TFR2: variants seen among roughly 807,000 people sequenced by gnomAD.
The protein encoded by TFR2 is transferrin receptor protein 2.
Under a neutral mutation model 91.9 loss-of-function variants are expected in TFR2, and 64 were observed. The observed-to-expected ratio is 0.70, with a 90% CI of 0.57 to 0.86. The LOEUF is 0.86. TFR2 is among the 40% of genes least tolerant of loss of function. TFR2 has a pLI of 0.00. For synonymous variants in TFR2, 454 were observed against 459.6 expected, an observed-to-expected ratio of 0.99 and a Z score of 0.15; for missense variants, 950 against 1,080.5, an observed-to-expected ratio of 0.88 and a Z score of 1.69.
chr7:100,630,290 CT>C (rs1803398834), intron 9 of TFR2, among the ~76,000 whole-genome samples: 1 of 142,252 alleles, frequency 7.0e-6, no homozygotes, highest in African/African-American at 2.6e-5. Flanking sequence ...CTTTCTTTCT[CT>C]TTTTTTTCTT....
chr7:100,632,293 C>T, intron 6 of TFR2, 95 bp from the exon 7 acceptor site: 1 of 1,132,376 alleles, frequency 8.8e-7, no homozygotes, highest in African/African-American at 1.5e-5. Flanking sequence ...TTGCTTGCAA[C>T]TGTCCATCCC....
At chr7:100,626,739 G>A in intron 17 of TFR2, 24 bp downstream of exon 17, 1 of 1,538,074 alleles carries the variant, frequency 6.5e-7, no homozygotes, top group Non-Finnish European at 8.7e-7. Context: ...CACTGGGGGC[G>A]GGGCGAGGAG....
chr7:100,639,560 C>T (rs1050912362), intron 3 of TFR2, among the ~76,000 whole-genome samples: 5 of 150,098 alleles, frequency 3.3e-5, no homozygotes, highest in Non-Finnish European at 7.4e-5. Context: ...TTCATGTCCT[C>T]TCAAATGCAA....
At chr7:100,625,100 C>T in intron 17 of TFR2, among the ~76,000 whole-genome samples, 1 of 146,122 alleles carries the variant, frequency 6.8e-6, no homozygotes, top group South Asian at 2.2e-4. Flanking sequence ...GCTCTTGTTG[C>T]CCAGGCTGGA....
At chr7:100,632,050 G>C in intron 7 of TFR2, 32 bp downstream of exon 7, 1 of 1,613,974 alleles carries the variant, frequency 6.2e-7, no homozygotes, top group Non-Finnish European at 8.5e-7. Flanking sequence ...CTCGGGACCT[G>C]GGAACAGCAC....
chr7:100,626,391 T>TG, intron 17 of TFR2: 1 of 921,538 alleles, frequency 1.1e-6, no homozygotes, highest in South Asian at 5.0e-5. Flanking sequence ...GCCTGTAACC[T>TG]CGTATTGTGG....
At position 100,637,189 on chromosome 7, in the gene TFR2, C is replaced by T. The variant is rs182058243; in HGVS notation, c.473+3497G>A. On this transcript the variant is annotated intron_variant, in intron 3 of 17. Coordinates refer to ENST00000223051, the MANE Select transcript of TFR2 (RefSeq NM_003227.4). ...CCGAGGTGGGTGGATCTCCTGAGGT[C>T]AGGAGTTCGAGACCAGACTGACCAA... Among the ~76,000 whole-genome samples the T allele has an allele frequency of 2.7e-3, 404 of 152,214 alleles. 3 individuals are homozygous for T. The highest frequency in any genetic ancestry group is 3.9e-3 in the Non-Finnish European group (263 of 68,016).
At chr7:100,631,080 A>G in intron 8 of TFR2, 28 bp from the exon 9 acceptor site, 1 of 1,527,104 alleles carries the variant, frequency 6.5e-7, no homozygotes, top group Non-Finnish European at 8.7e-7. Flanking sequence ...AGAAAGGGGG[A>G]AGTTGTAGAG....
rs1325635445 is a variant in TFR2 at position 100,620,688 on chromosome 7, T to A, written c.*169A>T. On this transcript the variant is annotated 3_prime_UTR_variant, in exon 18 of 18. Transcript: ENST00000223051. ...AGCTACACTGCAGGGCTGGGGTGTG[T>A]GGATATCTGTGCTGGGGTCTGGGCT... 1.2e-6 allele frequency: 1 copy of A among 855,616 alleles called. No individual in the cohort carries two copies. Among genetic ancestry groups the A allele is most frequent in the African/African-American group, 1.7e-5 (1 of 58,856 alleles). The allele number at this position is 855,616 out of a possible 1,614,324, so 53.0% of individuals were successfully genotyped here. A position where few individuals can be genotyped will look rare whatever the true frequency, so the allele number is the denominator to read the frequency against.
chr7:100,626,035 C>T (rs1480734542), intron 17 of TFR2, among the ~76,000 whole-genome samples: 1 of 152,126 alleles, frequency 6.6e-6, no homozygotes, highest in South Asian at 2.1e-4. Flanking sequence ...CACTGCAGTT[C>T]CCAGCTCACC....
At chr7:100,621,541 A>G (rs1358708436) in intron 17 of TFR2, among the ~76,000 whole-genome samples, 1 of 152,182 alleles carries the variant, frequency 6.6e-6, no homozygotes, top group Non-Finnish European at 1.5e-5. Flanking sequence ...GGTGTGAGCC[A>G]CCACGCTAGG....
At chr7:100,639,018 G>A (rs928269706) in intron 3 of TFR2, among the ~76,000 whole-genome samples, 6 of 152,082 alleles carry the variant, frequency 3.9e-5, no homozygotes, top group South Asian at 2.1e-4. Context: ...CAAGGTTAGC[G>A]TTGAGCTCAG....
rs899733813 is a variant in TFR2, at chr7:100,627,978, G to A, written c.1538-4C>T. 1.2e-6 allele frequency: 2 copies of A among 1,613,980 alleles called. No homozygotes were observed. The highest frequency in any genetic ancestry group is 8.5e-7 in the Non-Finnish European group (1 of 1,179,888). On this transcript the variant is annotated splice_region_variant and splice_polypyrimidine_tract_variant and intron_variant, in intron 12 of 17. Coordinates refer to ENST00000223051, the MANE Select transcript of TFR2 (RefSeq NM_003227.4). ...TTGGCATGAAACTTGTCATCCCCTG[G>A]AAAAAGGGGAGGGGAGGGATGCCAG...
At chr7:100,632,330 G>C (rs1187248680) in intron 6 of TFR2, 132 bp from the exon 7 acceptor site, 2 of 853,808 alleles carry the variant, frequency 2.3e-6, no homozygotes, top group African/African-American at 3.3e-5. Context: ...GGCACTACCT[G>C]GCCTGTGTCT....
intron 17 of TFR2, 132 bp from the exon 18 acceptor site, chr7:100,621,258 TGTTC>T: frequency 8.0e-7 from 1 of 1,248,996 alleles, no homozygotes; most frequent in Non-Finnish European, 1.1e-6. Context: ...GTTTTTTGTT[TGTTC>T]GTTTGTTTTG....
intron 5 of TFR2, 52 bp downstream of exon 5, chr7:100,633,177 A>G: frequency 1.2e-6 from 2 of 1,612,868 alleles, no homozygotes; most frequent in Non-Finnish European, 1.7e-6. Flanking sequence ...TTCGAGACCC[A>G]GGAAAGGGCT....
At chr7:100,632,738 C>CTTTTT (rs35046097) in intron 6 of TFR2, 8 of 184,810 alleles carry the variant, frequency 4.3e-5, no homozygotes, top group East Asian at 1.5e-4. Flanking sequence ...AAAAAAGAAC[C>CTTTTT]TTTTTTTTTT....
In TFR2 at chr7:100,627,375, C is replaced by T. The variant is rs778041715; in HGVS notation, c.1884G>A (p.Gln628=). Reference sequence around the variant, plus strand: ...GATCGTGGCTGAGCCGGATGAGGAGCTGCCCTGCGAGCTGGGCCACGGCCT... The same window carrying T: ...GATCGTGGCTGAGCCGGATGAGGAGTTGCCCTGCGAGCTGGGCCACGGCCT... The part of the protein sequence containing the change: ...VAQAVAQLAG[Q]LLIRLSHDRL... The change falls in exon 16 of 18, where the codon CAG becomes CAA. Residue 628 remains glutamine, a synonymous_variant. Coordinates refer to ENST00000223051, the MANE Select transcript of TFR2 (RefSeq NM_003227.4). 1.2e-5 allele frequency: 18 copies of T among 1,555,292 alleles called. No individual in the cohort carries two copies. The Middle Eastern group carries it at 8.5e-4, about 73-fold the overall frequency.
intron 17 of TFR2, among the ~76,000 whole-genome samples, chr7:100,625,911 C>T: frequency 6.6e-6 from 1 of 151,996 alleles, no homozygotes; most frequent in South Asian, 2.1e-4. Context: ...CCAAGGGGGA[C>T]AGGCAGAGGG....
Sources: gnomAD v4.1 joint callset for allele counts (sites outside exome capture counted in the v4.1 genomes callset) on GRCh38, gnomAD v4.1.1 for gene constraint, MANE v1.5 for transcripts, NCBI Gene and HGNC (gene_info 2026-07-23, HGNC 2026-07-21) for gene names.